CARD16: variants seen among roughly 807,000 people sequenced by gnomAD.
CARD16 encodes the protein caspase recruitment domain-containing protein 16.
CARD16 carries 8 observed loss-of-function variants against 11.9 expected under a neutral mutation model. That is an observed-to-expected ratio of 0.67 (90% confidence interval 0.39 to 1.21). The LOEUF (loss-of-function observed/expected upper bound fraction) is 1.21. Ranked by LOEUF, CARD16 falls within the 50% of genes most tolerant of loss-of-function variation. The pLI is 0.01. For missense variants in CARD16, 131 were observed against 118.1 expected (o/e 1.11, Z -0.51); for synonymous variants, 44 against 43.8 (o/e 1.00, Z -0.02).
rs1351014046 is a variant in CARD16, at chr11:105,041,586, T to C, written c.*177A>G. On this transcript the variant is annotated 3_prime_UTR_variant, in exon 4 of 4. Coordinates refer to ENST00000673097, the MANE Select transcript of CARD16 (RefSeq NM_052889.4). ...TATATCTTTCACTCCACTTTATTAT[T>C]GTATTCTGAACATGGCACCTCTGCA... is the stretch of plus-strand genomic sequence containing the variant. The C allele has an allele frequency of 6.2e-7, 1 of 1,614,118 alleles. No individual in the cohort carries two copies. The highest frequency in any genetic ancestry group is 8.5e-7 in the Non-Finnish European group (1 of 1,179,964).
Position 105,041,604 on chromosome 11 carries a change from C to T in CARD16, c.*159G>A, listed in dbSNP as rs267602677. On this transcript the variant is annotated 3_prime_UTR_variant, in exon 4 of 4. Coordinates refer to ENST00000673097, the MANE Select transcript of CARD16 (RefSeq NM_052889.4). ...TTATTATTGTATTCTGAACATGGCA[C>T]CTCTGCAACTTTTGTTTCCATATCC... 5.0e-6 allele frequency: 8 copies of T among 1,613,954 alleles called. No homozygotes were observed. Among genetic ancestry groups the T allele is most frequent in the African/African-American group, 2.7e-5 (2 of 74,924 alleles).
At chr11:105,045,168 C>G in intron 1 of CARD16, 123 bp downstream of exon 1, 1 of 1,385,446 alleles carries the variant, frequency 7.2e-7, no homozygotes, top group South Asian at 1.2e-5. Flanking sequence ...TCCCACTCCT[C>G]CCTCTCCCTC....
intron 2 of CARD16, 152 bp downstream of exon 2, chr11:105,044,240 A>G: frequency 8.0e-7 from 1 of 1,247,982 alleles, no homozygotes; most frequent in Non-Finnish European, 1.1e-6. Context: ...AAAAGAGTCA[A>G]GGGACATGCA....
At chr11:105,042,863 G>C (rs1864135086) in intron 3 of CARD16, among the ~76,000 whole-genome samples, 1 of 152,134 alleles carries the variant, frequency 6.6e-6, no homozygotes, top group Admixed American at 6.5e-5. Context: ...AGTAATATCT[G>C]AACTTGATAA....
rs749625843 is a variant in CARD16 at position 105,041,648 on chromosome 11, A to G, written c.*115T>C. On this transcript the variant is annotated 3_prime_UTR_variant, in exon 4 of 4. Transcript: ENST00000673097. ...CATATCCTTTGAGCGTCTTCTAGAA[A>G]GCAAAGCTTGATTCTGCCTTCTGGG... The G allele has an allele frequency of 6.2e-7, 1 of 1,614,062 alleles. No individual in the cohort carries two copies. The highest frequency in any genetic ancestry group is 8.5e-7 in the Non-Finnish European group (1 of 1,179,954).
At chr11:105,042,449 C>T (rs1192109605) in intron 3 of CARD16, among the ~76,000 whole-genome samples, 1 of 146,412 alleles carries the variant, frequency 6.8e-6, no homozygotes, top group African/African-American at 2.5e-5. Flanking sequence ...CAATGTGATG[C>T]ACTTGTTAAA....
chr11:105,043,559 A>G lies in CARD16; in HGVS notation c.275-14T>C. 6.3e-7 allele frequency: 1 copy of G among 1,589,452 alleles called. No individual in the cohort carries two copies. The highest frequency in any genetic ancestry group is 8.6e-7 in the Non-Finnish European group (1 of 1,158,688). On this transcript the variant is annotated splice_polypyrimidine_tract_variant and intron_variant, in intron 2 of 3. Transcript: ENST00000673097. ...CAGGTATCGGACCTATAAAAAGATGAAGAACATTGAAATAGCCACTTATCA... is the reference window on the plus strand; with the variant it reads ...CAGGTATCGGACCTATAAAAAGATGGAGAACATTGAAATAGCCACTTATCA...
chr11:105,041,575 C>A lies in CARD16; in HGVS notation c.*188G>T. On this transcript the variant is annotated 3_prime_UTR_variant, in exon 4 of 4. Transcript: ENST00000673097. The stretch of plus-strand genomic sequence containing the variant: ...ACTGCCTGAAGTATATCTTTCACTC[C>A]ACTTTATTATTGTATTCTGAACATG... 6.2e-7 allele frequency: 1 copy of A among 1,614,040 alleles called. No individual in the cohort carries two copies. Among genetic ancestry groups the A allele is most frequent in the Non-Finnish European group, 8.5e-7 (1 of 1,179,952 alleles).
In CARD16 at chr11:105,045,291, C is replaced by T. The variant is rs150516068; in HGVS notation, c.7G>A (p.Asp3Asn). MA[D>N]KVLKEKRKLF... ...GTTCTTGGAACAGTAAAAGACTCAC[C>T]GGCCATGGCTTTTCTCTCCTACCCT... The change falls in exon 1 of 4, where the codon GAC becomes AAC. Residue 3 changes from aspartate to asparagine, a missense_variant and splice_region_variant. By Grantham distance (23) the Asp-to-Asn change is conservative. Transcript: ENST00000673097. 2.3e-4 allele frequency: 378 copies of T among 1,613,990 alleles called. 1 individual carries two copies. The African/African-American group carries it at 4.3e-3, about 18-fold the overall frequency.
Position 105,041,869 on chromosome 11 carries a change from G to C in CARD16, c.*44-150C>G. The C allele has an allele frequency of 2.8e-6, 2 of 715,054 alleles. 1 individual carries two copies. Among genetic ancestry groups the C allele is most frequent in the Non-Finnish European group, 4.5e-6 (2 of 441,500 alleles). The allele number at this position is 715,054 out of a possible 1,614,324, so 44.3% of individuals were successfully genotyped here. On this transcript the variant is annotated intron_variant, in intron 3 of 3. Transcript: ENST00000673097. ...TAGTTGAGTGCGTTTGCTGCTAATGGAGCACATTTCAAGCCAGAGATTTCT... is the reference window on the plus strand; with the variant it reads ...TAGTTGAGTGCGTTTGCTGCTAATGCAGCACATTTCAAGCCAGAGATTTCT...
chr11:105,044,340 A>T, intron 2 of CARD16, 52 bp downstream of exon 2: 2 of 1,610,330 alleles, frequency 1.2e-6, no homozygotes, highest in South Asian at 2.2e-5. Context: ...ATCAAATGTT[A>T]GGCACGAAGA....
chr11:105,043,335 C>T, intron 3 of CARD16, 148 bp downstream of exon 3: 2 of 457,596 alleles, frequency 4.4e-6, no homozygotes, highest in Non-Finnish European at 7.6e-6. Flanking sequence ...GGAACAGTTT[C>T]TGCAAAAACA....
chr11:105,041,749 T>G, intron 3 of CARD16, 30 bp from the exon 4 acceptor site: 3 of 1,603,650 alleles, frequency 1.9e-6, no homozygotes, highest in Non-Finnish European at 2.6e-6. Context: ...TCATGAACAG[T>G]GGTATCCCTC....
In CARD16 at chr11:105,044,506, T is replaced by C. The variant is rs748007627; in HGVS notation, c.160A>G (p.Thr54Ala). The C allele has an allele frequency of 2.2e-5, 36 of 1,613,990 alleles. No individual in the cohort carries two copies. The highest frequency in any genetic ancestry group is 2.8e-5 in the Non-Finnish European group (33 of 1,179,996). ...ATAACGGAGTCAATCAAAGCTCGGGTCTTATCCATAACTGTAGCATTTTCA... is the reference window on the plus strand; with the variant it reads ...ATAACGGAGTCAATCAAAGCTCGGGCCTTATCCATAACTGTAGCATTTTCA... ...KRENATVMDK[T>A]RALIDSVIPK... Residue 54 changes from threonine to alanine, a missense_variant, in exon 2 of 4, where the codon ACC (threonine) becomes GCC (alanine). Coordinates refer to ENST00000673097, the MANE Select transcript of CARD16 (RefSeq NM_052889.4).
Position 105,045,331 on chromosome 11 carries a change from A to C in CARD16, c.-34T>G. 1 of 1,613,936 alleles carries C rather than the reference A, an allele frequency of 6.2e-7. No homozygotes were observed. On this transcript the variant is annotated 5_prime_UTR_variant, in exon 1 of 4. Coordinates refer to ENST00000673097, the MANE Select transcript of CARD16 (RefSeq NM_052889.4). ...TCTCCTACCCTTCTTGTGTGGGCTG[A>C]AACTGAAAGTATGTTTCGCCTTCCT... is the stretch of plus-strand genomic sequence containing the variant.
intron 1 of CARD16, 45 bp from the exon 2 acceptor site, chr11:105,044,703 T>A: frequency 6.2e-7 from 1 of 1,601,938 alleles, no homozygotes; most frequent in Non-Finnish European, 8.5e-7. Flanking sequence ...AACAGCCTCA[T>A]ATTCCTCTCA....
At chr11:105,042,418 C>T (rs1327775199) in intron 3 of CARD16, among the ~76,000 whole-genome samples, 2 of 151,902 alleles carry the variant, frequency 1.3e-5, no homozygotes, top group Non-Finnish European at 2.9e-5. Flanking sequence ...TTTATTTCAT[C>T]ACAAGATCAA....
chr11:105,043,384 G>C, intron 3 of CARD16, 99 bp downstream of exon 3: 2 of 794,036 alleles, frequency 2.5e-6, no homozygotes, highest in Non-Finnish European at 4.1e-6. Flanking sequence ...TCAGTCTATG[G>C]GAATTCTCCA....
intron 2 of CARD16, 38 bp downstream of exon 2, chr11:105,044,354 G>T: frequency 4.3e-6 from 7 of 1,613,148 alleles, no homozygotes; most frequent in Non-Finnish European, 5.9e-6. Flanking sequence ...ACGAAGACAG[G>T]CCCTAGGTGA....
Sources: allele counts gnomAD v4.1 joint callset (sites outside exome capture counted in the v4.1 genomes callset), GRCh38; gene constraint gnomAD v4.1.1; transcripts MANE v1.5; gene names NCBI Gene and HGNC (gene_info 2026-07-23, HGNC 2026-07-21).